Variants in LHFPL3 observed in about 807,000 individuals in gnomAD.
LHFPL3 encodes the protein LHFPL tetraspan subfamily member 3, also known as LHFPL tetraspan subfamily member 3 protein.
A neutral mutation model predicts 19.3 loss-of-function variants in LHFPL3; 5 were observed. The observed-to-expected ratio is 0.26, with a 90% CI of 0.14 to 0.54. The LOEUF is 0.54. LHFPL3 is among the 20% of genes least tolerant of loss of function. LHFPL3 has a pLI of 0.94. For synonymous variants in LHFPL3, 133 were observed against 126.2 expected (o/e 1.05, Z -0.36); for missense variants, 249 against 307.4 (o/e 0.81, Z 1.42).
intron 1 of LHFPL3, among the ~76,000 whole-genome samples, chr7:104,373,670 C>T (rs574008168): frequency 6.2e-4 from 76 of 123,508 alleles, no homozygotes; most frequent in African/African-American, 2.2e-3. Flanking sequence ...TTCAGAAAGG[C>T]GGGAAAAACT....
intron 1 of LHFPL3, among the ~76,000 whole-genome samples, chr7:104,523,029 TAC>T (rs979475113): frequency 4.6e-5 from 7 of 151,482 alleles, no homozygotes; most frequent in African/African-American, 1.7e-4. Context: ...TATATACATA[TAC>T]ACACATATGC....
chr7:104,557,983 C>T (rs1789885665), intron 1 of LHFPL3, among the ~76,000 whole-genome samples: 1 of 150,618 alleles, frequency 6.6e-6, no homozygotes, highest in Non-Finnish European at 1.5e-5. Context: ...CCAATTTCAT[C>T]CATGTCCCTA....
At chr7:104,654,758 C>A (rs940235931) in intron 1 of LHFPL3, among the ~76,000 whole-genome samples, 3 of 152,064 alleles carry the variant, frequency 2.0e-5, no homozygotes, top group Non-Finnish European at 2.9e-5. Flanking sequence ...AAGAGCTGAG[C>A]AGTATGATTT....
chr7:104,568,015 C>G (rs1790155767), intron 1 of LHFPL3, among the ~76,000 whole-genome samples: 1 of 152,188 alleles, frequency 6.6e-6, no homozygotes. Flanking sequence ...TCAAAGATGT[C>G]AGAGCTGGAA....
chr7:104,906,149 C>T (rs1016865871), intron 2 of LHFPL3, 38 bp from the exon 3 acceptor site: 3 of 1,599,208 alleles, frequency 1.9e-6, no homozygotes, highest in African/African-American at 2.7e-5. Flanking sequence ...TTTCTCTCCC[C>T]CCACCCTTTT....
chr7:104,419,538 A>G (rs1334065467), intron 1 of LHFPL3, among the ~76,000 whole-genome samples: 1 of 152,228 alleles, frequency 6.6e-6, no homozygotes, highest in Non-Finnish European at 1.5e-5. Context: ...CTGGGTGACT[A>G]GAGGATTCTG....
At chr7:104,638,231 T>G (rs1026413636) in intron 1 of LHFPL3, among the ~76,000 whole-genome samples, 1 of 152,226 alleles carries the variant, frequency 6.6e-6, no homozygotes. Context: ...TTTTGTACAT[T>G]GATTTTATAT....
At chr7:104,396,348 A>T (rs888060689) in intron 1 of LHFPL3, among the ~76,000 whole-genome samples, 2 of 152,172 alleles carry the variant, frequency 1.3e-5, no homozygotes, top group Admixed American at 6.5e-5. Context: ...AGGACACAAA[A>T]TAGCAATGAC....
chr7:104,494,009 GATA>G (rs1436308411), intron 1 of LHFPL3, among the ~76,000 whole-genome samples: 2 of 152,060 alleles, frequency 1.3e-5, no homozygotes, highest in Non-Finnish European at 2.9e-5. Context: ...ATGCTGACAT[GATA>G]ATATATTAAA....
chr7:104,707,819 G>A (rs964253198), intron 1 of LHFPL3, among the ~76,000 whole-genome samples: 2 of 152,214 alleles, frequency 1.3e-5, no homozygotes, highest in African/African-American at 4.8e-5. Flanking sequence ...ATGCATTAGA[G>A]GAGAAGAGAT....
At chr7:104,473,093 C>T (rs1172772200) in intron 1 of LHFPL3, among the ~76,000 whole-genome samples, 1 of 152,168 alleles carries the variant, frequency 6.6e-6, no homozygotes, top group African/African-American at 2.4e-5. Flanking sequence ...AAATGGAGAA[C>T]TGTTTTCAAA....
At chr7:104,578,969 G>A (rs1313594975) in intron 1 of LHFPL3, among the ~76,000 whole-genome samples, 1 of 152,128 alleles carries the variant, frequency 6.6e-6, no homozygotes, top group South Asian at 2.1e-4. Flanking sequence ...CCTGTCATCT[G>A]GCCAAGTGTT....
At chr7:104,730,359 C>A (rs1459531101) in intron 1 of LHFPL3, among the ~76,000 whole-genome samples, 2 of 152,206 alleles carry the variant, frequency 1.3e-5, no homozygotes, top group East Asian at 3.8e-4. Flanking sequence ...ACAGTCCCAC[C>A]AACAGTGTAA....
intron 1 of LHFPL3, among the ~76,000 whole-genome samples, chr7:104,493,526 C>T (rs1793398559): frequency 6.6e-6 from 1 of 152,046 alleles, no homozygotes; most frequent in African/African-American, 2.4e-5. Flanking sequence ...ACCTTCAAAA[C>T]TGAGTCCACT....
intron 2 of LHFPL3, among the ~76,000 whole-genome samples, chr7:104,773,197 G>A (rs1794587410): frequency 6.6e-6 from 1 of 152,194 alleles, no homozygotes; most frequent in African/African-American, 2.4e-5. Flanking sequence ...ACCTGACAGG[G>A]CAGTGAGGGG....
chr7:104,620,111 A>T (rs2193209), intron 1 of LHFPL3, among the ~76,000 whole-genome samples: 61,494 of 151,904 alleles, frequency 0.4, 13,336 homozygotes, highest in South Asian at 0.53. Context: ...TGACCTGGGG[A>T]TTGGGTACCC....
At chr7:104,450,372 C>T (rs1792410435) in intron 1 of LHFPL3, among the ~76,000 whole-genome samples, 1 of 152,114 alleles carries the variant, frequency 6.6e-6, no homozygotes, top group Non-Finnish European at 1.5e-5. Context: ...TTTTTTATGG[C>T]TGCATGGCAT....
intron 2 of LHFPL3, among the ~76,000 whole-genome samples, chr7:104,761,361 TG>T (rs1259760174): frequency 6.6e-6 from 1 of 152,072 alleles, no homozygotes; most frequent in Admixed American, 6.6e-5. Flanking sequence ...AGGTAGGGTG[TG>T]GGTGTATTTG....
intron 1 of LHFPL3, among the ~76,000 whole-genome samples, chr7:104,557,077 G>T (rs772353215): frequency 6.6e-6 from 1 of 152,132 alleles, no homozygotes; most frequent in Non-Finnish European, 1.5e-5. Flanking sequence ...CCTTCAACAA[G>T]TTTCTAGAGA....
Sources: allele counts gnomAD v4.1 joint callset (sites outside exome capture counted in the v4.1 genomes callset), GRCh38; gene constraint gnomAD v4.1.1; transcripts MANE v1.5; gene names NCBI Gene and HGNC (gene_info 2026-07-23, HGNC 2026-07-21).